Variants in AKT3 observed in about 807,000 individuals in gnomAD.
AKT3 encodes AKT serine/threonine kinase 3.
A neutral mutation model predicts 65.3 loss-of-function variants in AKT3; 15 were observed. The ratio of observed to expected loss-of-function variants is 0.23; its 90% CI spans 0.15 to 0.35. The LOEUF is 0.35. Among genes scored for constraint, AKT3 ranks in the 10% least tolerant of loss-of-function variants. The pLI is 1.00. For synonymous variants in AKT3, 206 were observed against 183.8 expected (o/e 1.12, Z -0.98); for missense variants, 243 against 576.5 (o/e 0.42, Z 5.92).
At chr1:243,712,049 C>T (rs1291792370) in intron 2 of AKT3, among the ~76,000 whole-genome samples, 1 of 152,188 alleles carries the variant, frequency 6.6e-6, no homozygotes. Context: ...ACCATACCCT[C>T]TCACTTTAAT....
intron 9 of AKT3, among the ~76,000 whole-genome samples, chr1:243,569,987 C>T (rs1442009310): frequency 2.0e-5 from 3 of 152,128 alleles, no homozygotes; most frequent in African/African-American, 4.8e-5. Flanking sequence ...TAAGTAATCA[C>T]AAGGAATTTG....
intron 2 of AKT3, among the ~76,000 whole-genome samples, chr1:243,729,661 T>C (rs1348354482): frequency 3.3e-5 from 5 of 152,144 alleles, no homozygotes; most frequent in South Asian, 4.1e-4. Flanking sequence ...CTTAATGATA[T>C]GGGAAAACGT....
At chr1:243,497,674 C>T (rs563314769), downstream of AKT3, among the ~76,000 whole-genome samples, 1 of 152,308 alleles carries the variant, frequency 6.6e-6, no homozygotes, top group South Asian at 2.1e-4. Flanking sequence ...AATTCCGCAA[C>T]ACATTTTACT....
intron 8 of AKT3, among the ~76,000 whole-genome samples, chr1:243,592,999 A>G (rs1342429687): frequency 6.6e-6 from 1 of 152,204 alleles, no homozygotes; most frequent in Non-Finnish European, 1.5e-5. Flanking sequence ...ATCTAAGCGG[A>G]ACACAAAATG....
intron 12 of AKT3, among the ~76,000 whole-genome samples, chr1:243,539,434 C>T (rs1353744789): frequency 2.0e-5 from 3 of 152,212 alleles, no homozygotes; most frequent in Admixed American, 6.5e-5. Flanking sequence ...ATTAAGGCTT[C>T]GTCAACAGTG....
At chr1:243,575,721 A>C (rs1428588393) in intron 8 of AKT3, among the ~76,000 whole-genome samples, 1 of 152,214 alleles carries the variant, frequency 6.6e-6, no homozygotes, top group Non-Finnish European at 1.5e-5. Flanking sequence ...GTTTTGAAGA[A>C]TAGGTTTTTC....
intron 1 of AKT3, among the ~76,000 whole-genome samples, chr1:243,846,970 C>T (rs1695547066): frequency 6.6e-6 from 1 of 152,160 alleles, no homozygotes; most frequent in Non-Finnish European, 1.5e-5. Context: ...GCTTACCAGG[C>T]ATTGGTTAGC....
chr1:243,501,088 C>T lies in AKT3; in HGVS notation c.*4161G>A, dbSNP rs1034401690. On this transcript the variant is annotated 3_prime_UTR_variant, in exon 14 of 14. Coordinates refer to ENST00000673466, the MANE Select transcript of AKT3 (RefSeq NM_005465.7). Reference sequence around the variant, plus strand: ...ATGTGAGAATGCCCTCAAATTTGGCCGTGTGACATACACATACATGCTTGA... The same window carrying T: ...ATGTGAGAATGCCCTCAAATTTGGCTGTGTGACATACACATACATGCTTGA... The T allele has an allele frequency of 1.4e-4, 33 of 230,862 alleles. No homozygotes were observed. Among genetic ancestry groups the T allele is most frequent in the Non-Finnish European group, 2.6e-4 (30 of 116,688 alleles). The allele number at this position is 230,862 out of a possible 1,614,324, so 14.3% of individuals were successfully genotyped here. A position where few individuals can be genotyped will look rare whatever the true frequency, so the allele number is the denominator to read the frequency against.
intron 1 of AKT3, among the ~76,000 whole-genome samples, chr1:243,847,354 A>C (rs973127333): frequency 1.3e-5 from 2 of 152,156 alleles, no homozygotes; most frequent in African/African-American, 4.8e-5. Context: ...TAAGCATCCA[A>C]CTAACAAGTT....
chr1:243,555,127 T>C (rs564577895), intron 10 of AKT3, among the ~76,000 whole-genome samples: 10 of 152,202 alleles, frequency 6.6e-5, no homozygotes, highest in Non-Finnish European at 1.3e-4. Context: ...TACATAATGC[T>C]ATAATTAGAA....
chr1:243,589,315 A>AAG (rs1676044089), intron 8 of AKT3, among the ~76,000 whole-genome samples: 1 of 149,488 alleles, frequency 6.7e-6, no homozygotes, highest in South Asian at 2.1e-4. Context: ...TCAAAAAAAA[A>AAG]AAAAAAAAAG....
chr1:243,671,163 C>A (rs1175430483), intron 3 of AKT3, among the ~76,000 whole-genome samples: 1 of 151,628 alleles, frequency 6.6e-6, no homozygotes, highest in Non-Finnish European at 1.5e-5. Flanking sequence ...ATGCAAGCTC[C>A]ACCTCCCGGG....
intron 2 of AKT3, among the ~76,000 whole-genome samples, chr1:243,724,244 G>T (rs1238084666): frequency 6.8e-6 from 1 of 146,868 alleles, no homozygotes; most frequent in African/African-American, 2.5e-5. Flanking sequence ...AAAATTGAGG[G>T]GAAAAAAAAA....
intron 2 of AKT3, among the ~76,000 whole-genome samples, chr1:243,744,244 T>C (rs1224980779): frequency 6.6e-6 from 1 of 152,152 alleles, no homozygotes; most frequent in Non-Finnish European, 1.5e-5. Context: ...AAAACTAATA[T>C]ATGCTGTAGA....
At chr1:243,805,488 G>A (rs974965593) in intron 2 of AKT3, among the ~76,000 whole-genome samples, 3 of 152,120 alleles carry the variant, frequency 2.0e-5, no homozygotes, top group Non-Finnish European at 4.4e-5. Flanking sequence ...TTCACTGACA[G>A]ATTTTTCAAA....
chr1:243,736,278 T>C (rs1385638404), intron 2 of AKT3, among the ~76,000 whole-genome samples: 1 of 152,196 alleles, frequency 6.6e-6, no homozygotes, highest in Non-Finnish European at 1.5e-5. Flanking sequence ...ATAAACCAAT[T>C]AGCATAGTGC....
intron 13 of AKT3, chr1:243,489,190 A>T: frequency 6.2e-7 from 1 of 1,601,302 alleles, no homozygotes; most frequent in Non-Finnish European, 8.5e-7. Flanking sequence ...GGGCGTCTAC[A>T]GGTGGATCTT....
chr1:243,832,837 T>C (rs1694625495), intron 2 of AKT3, among the ~76,000 whole-genome samples: 1 of 152,192 alleles, frequency 6.6e-6, no homozygotes, highest in African/African-American at 2.4e-5. Context: ...TATCTAAACA[T>C]ATCTAAACAT....
intron 2 of AKT3, among the ~76,000 whole-genome samples, chr1:243,754,671 G>A (rs144670648): frequency 3.3e-5 from 5 of 152,290 alleles, no homozygotes; most frequent in African/African-American, 1.2e-4. Flanking sequence ...CTGTGCATGC[G>A]AGGGATCTAG....
Sources: gnomAD v4.1 joint callset for allele counts (sites outside exome capture counted in the v4.1 genomes callset) on GRCh38, gnomAD v4.1.1 for gene constraint, MANE v1.5 for transcripts, NCBI Gene and HGNC (gene_info 2026-07-23, HGNC 2026-07-21) for gene names.